GRIA3: variants seen among roughly 807,000 people sequenced by gnomAD.
GRIA3 encodes glutamate receptor 3.
Under a neutral mutation model 63.0 loss-of-function variants are expected in GRIA3, and 3 were observed. The observed-to-expected ratio is 0.05, with a 90% CI of 0.02 to 0.12. The LOEUF is 0.12. GRIA3 is among the 10% of genes least tolerant of loss of function. GRIA3 has a pLI of 1.00. For missense variants in GRIA3, 347 were observed against 700.9 expected (o/e 0.50, Z 5.70); for synonymous variants, 274 against 257.9 (o/e 1.06, Z -0.60).
intron 13 of GRIA3, among the ~76,000 whole-genome samples, chrX:123,467,697 T>A (rs1310998294): frequency 2.7e-5 from 3 of 112,117 alleles, no homozygotes; most frequent in African/African-American, 9.7e-5. Context: ...CTCTAAAACA[T>A]CCACATGATG....
At chrX:123,463,186 T>TA (rs920992731) in intron 12 of GRIA3, among the ~76,000 whole-genome samples, 28 of 109,761 alleles carry the variant, frequency 2.6e-4, no homozygotes, top group Admixed American at 5.8e-4. Context: ...TGCTTCTCAA[T>TA]AAAAAAAAAT....
intron 3 of GRIA3, among the ~76,000 whole-genome samples, chrX:123,293,801 G>A (rs183647026): frequency 1.5e-3 from 169 of 110,556 alleles, no homozygotes; most frequent in South Asian, 3.9e-3. Context: ...AGCACCTCAC[G>A]TACATTAACT....
chrX:123,466,707 C>A (rs1362323916), intron 13 of GRIA3, among the ~76,000 whole-genome samples: 1 of 112,397 alleles, frequency 8.9e-6, no homozygotes, highest in Non-Finnish European at 1.9e-5. Context: ...ATAGAATCCT[C>A]CTTGGCCCAA....
intron 3 of GRIA3, among the ~76,000 whole-genome samples, chrX:123,264,996 TAAAATGACAGA>T (rs951914859): frequency 8.1e-5 from 9 of 111,519 alleles, no homozygotes; most frequent in African/African-American, 2.9e-4. Flanking sequence ...TCCACATCTG[TAAAATGACAGA>T]GTGGACTCCA....
Position 123,332,121 on chromosome X carries a change from A to G in GRIA3, c.696+5908A>G, listed in dbSNP as rs141807620. Among the ~76,000 whole-genome samples, 741 of 111,291 alleles carry G rather than the reference A, an allele frequency of 6.7e-3. 7 individuals are homozygous for G. Among genetic ancestry groups the G allele is most frequent in the African/African-American group, 0.023 (704 of 30,704 alleles). ...GAGAGCAAAGTCTGAGAGTTGGGCT[A>G]TGCTCAGGTCTCACTAATATAAGTT... On this transcript the variant is annotated intron_variant, in intron 4 of 15. Transcript: ENST00000620443.
In GRIA3 at chrX:123,246,747, A is replaced by T. The variant is rs776998464; in HGVS notation, c.269-6556A>T. On this transcript the variant is annotated intron_variant, in intron 2 of 15. Coordinates refer to ENST00000620443, the MANE Select transcript of GRIA3 (RefSeq NM_007325.5). ...ATTATTTTATCTACCCACATAAGAG[A>T]TATAGATATATAAATATATCTTCCA... 1.4e-3 allele frequency among the ~76,000 whole-genome samples: 151 copies of T among 110,895 alleles called. 1 individual carries two copies. The highest frequency in any genetic ancestry group is 4.5e-3 in the African/African-American group (137 of 30,467).
chrX:123,452,532 T>A (rs775991772), intron 12 of GRIA3, among the ~76,000 whole-genome samples: 1 of 111,669 alleles, frequency 9.0e-6, no homozygotes, highest in South Asian at 3.8e-4. Flanking sequence ...CAGGATAGAT[T>A]TTTCTTCTTA....
intron 5 of GRIA3, among the ~76,000 whole-genome samples, chrX:123,367,419 T>TTTTTTTG (rs1034859725): frequency 3.7e-5 from 4 of 109,039 alleles, no homozygotes; most frequent in Non-Finnish European, 5.8e-5. Context: ...GGTTCTCTCT[T>TTTTTTTG]TTTTTTGTTT....
intron 4 of GRIA3, among the ~76,000 whole-genome samples, chrX:123,338,821 A>G (rs2044991157): frequency 8.9e-6 from 1 of 112,343 alleles, no homozygotes. Flanking sequence ...AAGTGCTGGG[A>G]TTACAGGCGT....
chrX:123,348,955 A>G (rs2045073415), intron 4 of GRIA3, among the ~76,000 whole-genome samples: 1 of 112,193 alleles, frequency 8.9e-6, no homozygotes, highest in Non-Finnish European at 1.9e-5. Flanking sequence ...GATGGCTTTA[A>G]GGCAATATTT....
intron 5 of GRIA3, among the ~76,000 whole-genome samples, chrX:123,378,412 C>CT (rs58776257): frequency 0.027 from 2,540 of 95,240 alleles, 83 homozygotes; most frequent in African/African-American, 0.072. Context: ...ACTTGAGGCA[C>CT]TTTTTTTTTT....
At chrX:123,437,588 G>A (rs1157658393) in intron 12 of GRIA3, among the ~76,000 whole-genome samples, 1 of 111,505 alleles carries the variant, frequency 9.0e-6, no homozygotes, top group East Asian at 2.8e-4. Context: ...AAACCACTGT[G>A]GCTGAAGAAT....
intron 2 of GRIA3, among the ~76,000 whole-genome samples, chrX:123,206,546 TA>T (rs1242158202): frequency 8.9e-6 from 1 of 112,080 alleles, no homozygotes; most frequent in Non-Finnish European, 1.9e-5. Flanking sequence ...TTTAAATTAA[TA>T]CAGAGTCATA....
At chrX:123,430,295 G>A (rs1569435464) in intron 12 of GRIA3, among the ~76,000 whole-genome samples, 1 of 111,739 alleles carries the variant, frequency 8.9e-6, no homozygotes. Flanking sequence ...GTATAAGGAA[G>A]TACAAATCAT....
At chrX:123,359,103 G>A (rs1385052743) in intron 5 of GRIA3, among the ~76,000 whole-genome samples, 1 of 111,597 alleles carries the variant, frequency 9.0e-6, no homozygotes, top group Non-Finnish European at 1.9e-5. Flanking sequence ...ACGTAGACAA[G>A]ATCAGTATTT....
intron 13 of GRIA3, among the ~76,000 whole-genome samples, chrX:123,475,858 T>C (rs2045884494): frequency 9.0e-6 from 1 of 111,548 alleles, no homozygotes; most frequent in African/African-American, 3.3e-5. Flanking sequence ...TGCTACCCTT[T>C]TGTGTATTCC....
At chrX:123,321,534 T>A (rs887084562) in intron 3 of GRIA3, among the ~76,000 whole-genome samples, 3 of 112,320 alleles carry the variant, frequency 2.7e-5, no homozygotes, top group Non-Finnish European at 5.6e-5. Context: ...AACTTCCATA[T>A]GTCAATATCC....
At chrX:123,289,525 C>A (rs1303423347) in intron 3 of GRIA3, among the ~76,000 whole-genome samples, 1 of 110,079 alleles carries the variant, frequency 9.1e-6, no homozygotes, top group Non-Finnish European at 1.9e-5. Flanking sequence ...GAAGTGAGAC[C>A]TGGGAATCTG....
chrX:123,204,698 G>C (rs770469419), intron 2 of GRIA3: 110 of 987,753 alleles, frequency 1.1e-4, no homozygotes, highest in Non-Finnish European at 1.4e-4. Flanking sequence ...GTGTTCAGTT[G>C]TGTGGGTGTA....
Sources: gnomAD v4.1 joint callset for allele counts (sites outside exome capture counted in the v4.1 genomes callset) on GRCh38, gnomAD v4.1.1 for gene constraint, MANE v1.5 for transcripts, NCBI Gene and HGNC (gene_info 2026-07-23, HGNC 2026-07-21) for gene names.